Variants in RTKN observed in about 807,000 individuals in gnomAD.
RTKN encodes rhotekin.
In RTKN, 49 loss-of-function variants were observed where a neutral mutation model predicts 63.5. The observed-to-expected ratio is 0.77, with a 90% CI of 0.61 to 0.98. The LOEUF (loss-of-function observed/expected upper bound fraction) is 0.98. Among genes scored for constraint, RTKN ranks in the 50% least tolerant of loss-of-function variants. RTKN has a pLI of 0.00. For synonymous variants in RTKN, 295 were observed against 290.4 expected (o/e 1.02, Z -0.16); for missense variants, 685 against 740.8 (o/e 0.92, Z 0.87).
intron 1 of RTKN, among the ~76,000 whole-genome samples, chr2:74,441,264 A>C (rs1671349969): frequency 6.6e-6 from 1 of 152,192 alleles, no homozygotes; most frequent in Non-Finnish European, 1.5e-5. Context: ...GTCGGGGTTG[A>C]TGACAGAGGC....
rs1336925034 is a variant in RTKN, at chr2:74,440,379, G to A, written c.111+1327C>T. 4.1e-6 allele frequency: 4 copies of A among 986,464 alleles called. No homozygotes were observed. The African/African-American group carries it at 5.2e-5, about 13-fold the overall frequency. 61.1% of individuals were successfully genotyped at this position (986,464 alleles called of 1,614,324 possible). On this transcript the variant is annotated intron_variant, in intron 1 of 11. Coordinates refer to ENST00000272430, the MANE Select transcript of RTKN (RefSeq NM_001015055.2). The stretch of plus-strand genomic sequence containing the variant: ...TCGCTTTTCCAGAGAAGGGAGGAGA[G>A]GGAGAGAGGAAGGCAGGGGTGTGCC...
chr2:74,429,025 A>T, intron 6 of RTKN, 83 bp from the exon 7 acceptor site: 1 of 1,116,866 alleles, frequency 9.0e-7, no homozygotes, highest in Non-Finnish European at 1.4e-6. Flanking sequence ...GATCTGCCCC[A>T]TTGTTCAGAC....
At chr2:74,431,127 T>C (rs1373048884) in intron 2 of RTKN, among the ~76,000 whole-genome samples, 1 of 151,966 alleles carries the variant, frequency 6.6e-6, no homozygotes, top group African/African-American at 2.4e-5. Context: ...ACTTCTTTGA[T>C]ATAGGAGGGT....
At position 74,432,392 on chromosome 2, in the gene RTKN, C is replaced by T. The variant is rs995990167; in HGVS notation, c.311+75G>A. 14 of 1,376,428 alleles carry T rather than the reference C, an allele frequency of 1.0e-5. No individual in the cohort carries two copies. In the Admixed American group the frequency reaches 1.8e-4, roughly 18 times the overall value. 85.3% of individuals were successfully genotyped at this position (1,376,428 alleles called of 1,614,324 possible). A position where few individuals can be genotyped will look rare whatever the true frequency, so the allele number is the denominator to read the frequency against. On this transcript the variant is annotated intron_variant, in intron 2 of 11. Transcript: ENST00000272430. The stretch of plus-strand genomic sequence containing the variant: ...CATCTTTAAGGTGGTCCACATGCCA[C>T]ACACGCACATGCTGCACCACCACCA...
At chr2:74,434,577 G>A (rs1300591735) in intron 1 of RTKN, among the ~76,000 whole-genome samples, 2 of 152,034 alleles carry the variant, frequency 1.3e-5, no homozygotes, top group Admixed American at 6.6e-5. Context: ...ACCATGCCTG[G>A]CCTAACTTTT....
rs1228514872 is a variant in RTKN at position 74,427,170 on chromosome 2, C to T, written c.1359G>A (p.Met453Ile). 3 of 1,613,168 alleles carry T rather than the reference C, an allele frequency of 1.9e-6. No individual in the cohort carries two copies. Among genetic ancestry groups the T allele is most frequent in the Non-Finnish European group, 2.5e-6 (3 of 1,179,196 alleles). Residue 453 changes from methionine to isoleucine, a missense_variant and splice_region_variant, in exon 11 of 12, where the codon ATG (methionine) becomes ATA (isoleucine). Physicochemically the swap from Met to Ile is conservative, Grantham distance 10 (BLOSUM62 1). Transcript: ENST00000272430. ...GGAGTTCACATTCCTCTCACTTACC[C>T]ATCTCATGGTACAAGGACCCCTGCT... Reference protein sequence around the residue: ...LAKQGSLYHEMAIEPLDDIAA... With the variant: ...LAKQGSLYHEIAIEPLDDIAA...
intron 2 of RTKN, among the ~76,000 whole-genome samples, chr2:74,431,085 T>C (rs1293796612): frequency 2.0e-5 from 3 of 151,352 alleles, no homozygotes; most frequent in African/African-American, 4.9e-5. Context: ...TTTTTAACAA[T>C]AGGAAAGCTG....
At chr2:74,426,732 C>G (rs1290849928) in intron 11 of RTKN, 158 bp from the exon 12 acceptor site, 7 of 1,376,062 alleles carry the variant, frequency 5.1e-6, no homozygotes, top group African/African-American at 1.5e-5. Flanking sequence ...CTCACCTGGG[C>G]CCCCTGGGGC....
chr2:74,433,520 G>A (rs921658386), intron 1 of RTKN, among the ~76,000 whole-genome samples: 32 of 145,126 alleles, frequency 2.2e-4, no homozygotes, highest in African/African-American at 7.7e-4. Context: ...ACGGAGTCTC[G>A]CTCTGTTGCC....
rs1393856922 is a variant in RTKN, at chr2:74,436,854, C to A, written c.112-4188G>T. 1.3e-5 allele frequency among the ~76,000 whole-genome samples: 2 copies of A among 152,178 alleles called. No homozygotes were observed. Among genetic ancestry groups the A allele is most frequent in the Admixed American group, 6.5e-5 (1 of 15,280 alleles). On this transcript the variant is annotated intron_variant, in intron 1 of 11. Transcript: ENST00000272430. This position sits in a 1 kb window ranked among gnomAD's most constrained non-coding sequence, Gnocchi z 4.3. ...CCTTGTGCTTCTAGCGTTTCCCCAA[C>A]CCAGGGATAGTTCCTTGTTGCCCCC...
chr2:74,433,638 C>T (rs975129993), intron 1 of RTKN, among the ~76,000 whole-genome samples: 17 of 152,026 alleles, frequency 1.1e-4, no homozygotes, highest in African/African-American at 3.9e-4. Flanking sequence ...TACAGGCGCC[C>T]GCCACCACAT....
At chr2:74,440,585 G>T in intron 1 of RTKN, 2 of 985,506 alleles carry the variant, frequency 2.0e-6, no homozygotes, top group Non-Finnish European at 2.4e-6. Flanking sequence ...AGCTGTCCCC[G>T]AAGGCCGGGC....
At chr2:74,427,125 C>A in intron 11 of RTKN, 44 bp downstream of exon 11, 1 of 1,584,532 alleles carries the variant, frequency 6.3e-7, no homozygotes, top group Non-Finnish European at 8.7e-7. Flanking sequence ...GTCCCCAACC[C>A]TACTTCCCAT....
chr2:74,426,843 A>C, intron 11 of RTKN: 2 of 1,344,680 alleles, frequency 1.5e-6, no homozygotes, highest in East Asian at 2.9e-5. Flanking sequence ...CAAGAGGAGA[A>C]AATGAAAGCG....
intron 2 of RTKN, 65 bp downstream of exon 2, chr2:74,432,402 T>C (rs371786663): frequency 3.4e-6 from 5 of 1,457,878 alleles, no homozygotes; most frequent in Admixed American, 1.7e-5. Context: ...CACACGCACA[T>C]GCTGCACCAC....
intron 1 of RTKN, among the ~76,000 whole-genome samples, chr2:74,437,734 G>C (rs1487462649): frequency 6.6e-6 from 1 of 152,198 alleles, no homozygotes; most frequent in Non-Finnish European, 1.5e-5. Flanking sequence ...CAGTGCAGAG[G>C]ACTATGAATG....
chr2:74,440,057 G>C, intron 1 of RTKN: 1 of 964,146 alleles, frequency 1.0e-6, no homozygotes. Context: ...GGTGGACAGG[G>C]AATCTGTGTG....
At chr2:74,427,950 GAA>G (rs1670504441) in intron 9 of RTKN, 1 of 495,206 alleles carries the variant, frequency 2.0e-6, no homozygotes, top group African/African-American at 1.9e-5. Flanking sequence ...GACCTGGAGA[GAA>G]ATGGGAAGTG....
At chr2:74,432,792 A>G (rs573842635) in intron 1 of RTKN, 126 bp from the exon 2 acceptor site, 5 of 729,800 alleles carry the variant, frequency 6.9e-6, no homozygotes, top group Non-Finnish European at 1.1e-5. Context: ...AGGCAGTTCA[A>G]GAGCAGGCAT....
Sources: gnomAD v4.1 joint callset for allele counts (sites outside exome capture counted in the v4.1 genomes callset) on GRCh38, gnomAD v4.1.1 for gene constraint, Gnocchi (gnomAD v3.1) non-coding constraint, MANE v1.5 for transcripts, NCBI Gene and HGNC (gene_info 2026-07-23, HGNC 2026-07-21) for gene names.